Variants in DLC1 observed in about 807,000 individuals in gnomAD.
DLC1 encodes the protein DLC1 Rho GTPase activating protein.
DLC1 carries 54 observed loss-of-function variants against 140.3 expected under a neutral mutation model. That is an observed-to-expected ratio of 0.38 (90% CI 0.31 to 0.48). The LOEUF (loss-of-function observed/expected upper bound fraction) is 0.48. Ranked by LOEUF, DLC1 falls within the 20% of genes least tolerant of loss-of-function variation. The probability of loss-of-function intolerance (pLI) is 0.96; values close to 1 mark genes in which losing one functional copy is unlikely to be tolerated. For missense variants in DLC1, 2,536 were observed against 1,907.0 expected, an observed-to-expected ratio of 1.33 and a Z score of -6.14; for synonymous variants, 986 against 728.1, an observed-to-expected ratio of 1.35 and a Z score of -5.70.
Position 13,453,544 on chromosome 8 carries a change from A to T in DLC1, c.1023+45505T>A, listed in dbSNP as rs1379976405. On this transcript the variant is annotated intron_variant, in intron 2 of 17. Transcript: ENST00000276297. ...TATATATATGTATATATATACATAT[A>T]TATATATATATATTTTTTTTTTTTT... 1.1e-3 allele frequency among the ~76,000 whole-genome samples: 49 copies of T among 42,758 alleles called. 1 individual carries two copies. The highest frequency in any genetic ancestry group is 3.1e-3 in the East Asian group (6 of 1,950). 28.1% of individuals were successfully genotyped at this position (42,758 alleles called of 152,430 possible).
chr8:13,248,088 C>T (rs554189218), intron 5 of DLC1, among the ~76,000 whole-genome samples: 10 of 152,182 alleles, frequency 6.6e-5, no homozygotes, highest in Non-Finnish European at 1.5e-4. Context: ...TAGTCTCAGT[C>T]CTCAGTGTGC....
chr8:13,177,000 A>T (rs1307574173), intron 5 of DLC1, among the ~76,000 whole-genome samples: 3 of 152,220 alleles, frequency 2.0e-5, no homozygotes, highest in African/African-American at 7.2e-5. Context: ...CCAGGAAGGG[A>T]TACAGCCCTG....
chr8:13,315,358 G>T (rs1832826267), intron 4 of DLC1, among the ~76,000 whole-genome samples: 1 of 152,212 alleles, frequency 6.6e-6, no homozygotes, highest in African/African-American at 2.4e-5. Context: ...CAAACATTTG[G>T]TGCTTTCAAA....
chr8:13,084,153 G>A lies in DLC1; in HGVS notation c.*1658C>T, dbSNP rs551566489. On this transcript the variant is annotated 3_prime_UTR_variant, in exon 18 of 18. Coordinates refer to ENST00000276297, the MANE Select transcript of DLC1 (RefSeq NM_182643.3). ...TCTTTATCATGCTTTATCTATGTTTGAAAGCACAGTGGACATGTTTCTTAA... is the reference window on the plus strand; with the variant it reads ...TCTTTATCATGCTTTATCTATGTTTAAAAGCACAGTGGACATGTTTCTTAA... 1.3e-5 allele frequency: 2 copies of A among 152,654 alleles called. No individual in the cohort carries two copies. The highest frequency in any genetic ancestry group is 3.9e-4 in the East Asian group (2 of 5,188). The allele number at this position is 152,654 out of a possible 1,614,324, so 9.5% of individuals were successfully genotyped here.
At chr8:13,426,293 C>T (rs1838579975) in intron 2 of DLC1, among the ~76,000 whole-genome samples, 1 of 152,022 alleles carries the variant, frequency 6.6e-6, no homozygotes, top group Non-Finnish European at 1.5e-5. Flanking sequence ...GTAGATACTC[C>T]ACAAATACTT....
intron 2 of DLC1, among the ~76,000 whole-genome samples, chr8:13,413,979 C>A (rs1016180419): frequency 4.6e-5 from 7 of 152,022 alleles, no homozygotes; most frequent in African/African-American, 1.4e-4. Flanking sequence ...GAAATTACTC[C>A]AACAAGTACA....
At chr8:13,322,527 G>T (rs1833166804) in intron 4 of DLC1, among the ~76,000 whole-genome samples, 1 of 152,042 alleles carries the variant, frequency 6.6e-6, no homozygotes. Context: ...TTTAAACTGG[G>T]TATCTAGAGA....
intron 7 of DLC1, among the ~76,000 whole-genome samples, chr8:13,106,722 G>T (rs1422803718): frequency 6.6e-6 from 1 of 152,230 alleles, no homozygotes; most frequent in Non-Finnish European, 1.5e-5. Context: ...TCAGGCATCT[G>T]ATGGACTGCT....
intron 4 of DLC1, among the ~76,000 whole-genome samples, chr8:13,358,485 G>T (rs1413407844): frequency 6.6e-6 from 1 of 152,114 alleles, no homozygotes; most frequent in Non-Finnish European, 1.5e-5. Flanking sequence ...CTGCTTAACT[G>T]CATAGGCGAT....
chr8:13,229,067 TC>T (rs1168319089), intron 5 of DLC1, among the ~76,000 whole-genome samples: 2 of 152,136 alleles, frequency 1.3e-5, no homozygotes, highest in African/African-American at 2.4e-5. Context: ...GACCCAGCAA[TC>T]CACTTCTAGG....
At chr8:13,470,726 A>G (rs1800166647) in intron 2 of DLC1, among the ~76,000 whole-genome samples, 1 of 152,186 alleles carries the variant, frequency 6.6e-6, no homozygotes, top group Admixed American at 6.5e-5. Context: ...TGGAGGTCCT[A>G]AAAAATGGAT....
chr8:13,251,735 A>G (rs557809588), intron 5 of DLC1, among the ~76,000 whole-genome samples: 46 of 152,220 alleles, frequency 3.0e-4, no homozygotes, highest in African/African-American at 1.1e-3. Flanking sequence ...CTCTGAACCA[A>G]AGTTTCTTCA....
chr8:13,548,207 T>A (rs548824594), intron 1 of DLC1, among the ~76,000 whole-genome samples: 1 of 152,092 alleles, frequency 6.6e-6, no homozygotes, highest in South Asian at 2.1e-4. Flanking sequence ...GTTCTTCAAG[T>A]TAAAGTTAAC....
At chr8:13,410,976 T>C (rs183554373) in intron 2 of DLC1, among the ~76,000 whole-genome samples, 1 of 152,238 alleles carries the variant, frequency 6.6e-6, no homozygotes. Context: ...TTATGGGTTT[T>C]TAAAAAATGA....
At chr8:13,343,472 A>C (rs73566433) in intron 4 of DLC1, among the ~76,000 whole-genome samples, 1,591 of 152,350 alleles carry the variant, frequency 0.01, 28 homozygotes, top group African/African-American at 0.036. Flanking sequence ...AATAAAAGTT[A>C]CAAGATGGGG....
At chr8:13,226,523 G>C (rs962259528) in intron 5 of DLC1, among the ~76,000 whole-genome samples, 5 of 152,276 alleles carry the variant, frequency 3.3e-5, no homozygotes, top group Non-Finnish European at 5.9e-5. Flanking sequence ...ACAGGGACAG[G>C]CTCAAAACTT....
At chr8:13,331,163 C>A (rs1729099) in intron 4 of DLC1, among the ~76,000 whole-genome samples, 3 of 152,076 alleles carry the variant, frequency 2.0e-5, no homozygotes, top group Non-Finnish European at 4.4e-5. Context: ...TTTACTGGGA[C>A]ACTATACAGA....
At chr8:13,108,527 GA>G (rs2128944712) in intron 7 of DLC1, among the ~76,000 whole-genome samples, 1 of 152,338 alleles carries the variant, frequency 6.6e-6, no homozygotes, top group Admixed American at 6.5e-5. Flanking sequence ...GCAAAGTACA[GA>G]GGATACTTTT....
intron 1 of DLC1, among the ~76,000 whole-genome samples, chr8:13,570,769 A>G (rs916129691): frequency 8.5e-5 from 13 of 152,086 alleles, no homozygotes; most frequent in Non-Finnish European, 8.8e-5. Flanking sequence ...CGTCGTCTTC[A>G]TTCAGCTCTC....
Sources: allele counts gnomAD v4.1 joint callset (sites outside exome capture counted in the v4.1 genomes callset), GRCh38; gene constraint gnomAD v4.1.1; transcripts MANE v1.5; gene names NCBI Gene and HGNC (gene_info 2026-07-23, HGNC 2026-07-21).